MGST1: variants seen among roughly 807,000 people sequenced by gnomAD.
MGST1 encodes the protein glutathione S-transferase 12.
In MGST1, 5 loss-of-function variants were observed where a neutral mutation model predicts 8.9. The observed-to-expected ratio is 0.56, with a 90% CI of 0.29 to 1.19. The LOEUF (loss-of-function observed/expected upper bound fraction) is 1.19. Ranked by LOEUF, MGST1 falls within the 50% of genes most tolerant of loss-of-function variation. The pLI, the probability that MGST1 is intolerant of heterozygous loss-of-function variation, is 0.08. For missense variants in MGST1, 182 were observed against 187.4 expected (o/e 0.97, Z 0.17); for synonymous variants, 54 against 67.8 (o/e 0.80, Z 1.00).
intron 4 of MGST1, among the ~76,000 whole-genome samples, chr12:16,515,843 C>T (rs1017229447): frequency 1.3e-5 from 2 of 151,956 alleles, no homozygotes; most frequent in Admixed American, 1.3e-4. Flanking sequence ...TGCATTTGCT[C>T]ATCTCACATC....
At position 16,401,509 on chromosome 12, in the gene MGST1, A is replaced by G; in HGVS notation, n.778+17905A>G. ...CAGCAGCTCTTCTTGAAGCTGGAGT[A>G]AAAAGTTGTAATTTTCTTGAACTTC... is the stretch of plus-strand genomic sequence containing the variant. On this transcript the variant is annotated intron_variant and non_coding_transcript_variant, in intron 1 of 1. Coordinates refer to the MGST1 transcript ENST00000359720. This position sits in a 1 kb window ranked among gnomAD's most constrained non-coding sequence, Gnocchi z 4.3. The G allele has an allele frequency of 1.1e-6, 1 of 889,712 alleles. No individual in the cohort carries two copies. Among genetic ancestry groups the G allele is most frequent in the Admixed American group, 1.8e-5 (1 of 54,660 alleles). 55.1% of individuals were successfully genotyped at this position (889,712 alleles called of 1,614,324 possible).
At chr12:16,557,036 A>T (rs373998487) in intron 4 of MGST1, among the ~76,000 whole-genome samples, 2 of 152,230 alleles carry the variant, frequency 1.3e-5, no homozygotes, top group East Asian at 3.8e-4. Flanking sequence ...TACTTGACTG[A>T]GTTCTCCTGA....
chr12:16,405,190 A>G (rs1393902385), intron 1 of MGST1, among the ~76,000 whole-genome samples: 1 of 152,194 alleles, frequency 6.6e-6, no homozygotes, highest in Non-Finnish European at 1.5e-5. Context: ...AGCTGAACCA[A>G]AAGAGATTGT....
In MGST1 at chr12:16,511,837, G is replaced by C. The variant is rs150989732; in HGVS notation, n.483-77691G>C. On this transcript the variant is annotated intron_variant and non_coding_transcript_variant, in intron 4 of 4. Transcript: ENST00000538857. The stretch of plus-strand genomic sequence containing the variant: ...GCAAATAGGGTCACATTTGGAGACA[G>C]TTCGGTGATATATGCTAATATCCAC... Among the ~76,000 whole-genome samples, 777 of 152,250 alleles carry C rather than the reference G, an allele frequency of 5.1e-3. 8 individuals carry two copies. The highest frequency in any genetic ancestry group is 0.018 in the African/African-American group (731 of 41,542).
At chr12:16,390,003 C>A (rs562805303) in intron 1 of MGST1, among the ~76,000 whole-genome samples, 3 of 152,198 alleles carry the variant, frequency 2.0e-5, no homozygotes, top group Non-Finnish European at 4.4e-5. Flanking sequence ...AAATTTCACA[C>A]ACGAAGGCTC....
At chr12:16,570,927 G>C (rs1264855095) in intron 4 of MGST1, among the ~76,000 whole-genome samples, 1 of 152,036 alleles carries the variant, frequency 6.6e-6, no homozygotes, top group Non-Finnish European at 1.5e-5. Flanking sequence ...TGCTGTGTAG[G>C]AGAATAATGT....
In MGST1 at chr12:16,500,572, TA is replaced by T. The variant is rs1174397099; in HGVS notation, n.483-88952del. ...CCTTTGATGGTGGTGCTTACTCCCC[TA>T]AAACTCTACAGTTGTTACTTCAAAG... On this transcript the variant is annotated intron_variant and non_coding_transcript_variant, in intron 4 of 4. Coordinates refer to the MGST1 transcript ENST00000538857. This position sits in a 1 kb window ranked among gnomAD's most constrained non-coding sequence, Gnocchi z 4.3. Among the ~76,000 whole-genome samples the T allele has an allele frequency of 6.6e-6, 1 of 152,244 alleles. No individual in the cohort carries two copies. The highest frequency in any genetic ancestry group is 1.5e-5 in the Non-Finnish European group (1 of 68,036).
downstream of MGST1, among the ~76,000 whole-genome samples, chr12:16,379,237 G>C (rs1026180276): frequency 3.3e-5 from 5 of 152,130 alleles, no homozygotes; most frequent in African/African-American, 1.2e-4. Context: ...GTTTTCAAAG[G>C]GAATGCTTCC....
chr12:16,374,166 G>A lies in MGST1; in HGVS notation c.222-1956G>A, dbSNP rs538033587. On this transcript the variant is annotated intron_variant, in intron 3 of 3. Transcript: ENST00000535309. ...TTAATCACTTCATAGCCAATGCCAA[G>A]TAGTTTACATTAACAGGGAGCAGAA... Among the ~76,000 whole-genome samples the A allele has an allele frequency of 3.2e-4, 48 of 152,226 alleles. 2 individuals carry two copies. The highest frequency in any genetic ancestry group is 3.5e-4 in the Non-Finnish European group (24 of 67,994).
chr12:16,523,270 C>T (rs1215792312), intron 4 of MGST1, among the ~76,000 whole-genome samples: 2 of 152,038 alleles, frequency 1.3e-5, no homozygotes, highest in Non-Finnish European at 2.9e-5. Flanking sequence ...TAAATCTGAT[C>T]CTTGCTCTGC....
chr12:16,443,436 G>A (rs2137105425), downstream of MGST1, among the ~76,000 whole-genome samples: 1 of 151,172 alleles, frequency 6.6e-6, no homozygotes, highest in East Asian at 2.0e-4. Context: ...TTTTTTTCCT[G>A]CTCTGTTGTA....
At chr12:16,536,181 T>G (rs1199984750) in intron 4 of MGST1, among the ~76,000 whole-genome samples, 1 of 151,982 alleles carries the variant, frequency 6.6e-6, no homozygotes, top group Non-Finnish European at 1.5e-5. Flanking sequence ...CTGTTTCTCT[T>G]ATTAGGAAGT....
rs368939282 is a variant in MGST1 at position 16,417,724 on chromosome 12, G to A, written n.779-19664G>A. Among the ~76,000 whole-genome samples the A allele has an allele frequency of 1.7e-4, 26 of 152,188 alleles. No homozygotes were observed. The South Asian group carries it at 5.2e-3, about 30-fold the overall frequency. ...CCTCTAACTTATGGTAGGTTAATAA[G>A]GGCCTAGATATTTGGAGCTGTGAAA... On this transcript the variant is annotated intron_variant and non_coding_transcript_variant, in intron 1 of 1. Coordinates refer to the MGST1 transcript ENST00000359720.
In MGST1 at chr12:16,488,766, A is replaced by T. The variant is rs917549261; in HGVS notation, n.483-100762A>T. On this transcript the variant is annotated intron_variant and non_coding_transcript_variant, in intron 4 of 4. Transcript: ENST00000538857. ...ATCAGATACTACTGGCCATAATGTC[A>T]TGAGTGTGCATTTTTTTAATCACTA... Among the ~76,000 whole-genome samples, 7 of 152,234 alleles carry T rather than the reference A, an allele frequency of 4.6e-5. No individual in the cohort carries two copies. The East Asian group carries it at 1.4e-3, about 29-fold the overall frequency.
At chr12:16,409,744 G>T (rs1362621610) in intron 1 of MGST1, among the ~76,000 whole-genome samples, 2 of 152,052 alleles carry the variant, frequency 1.3e-5, no homozygotes, top group Non-Finnish European at 2.9e-5. Context: ...TGCCCAGAAA[G>T]CCTGTACCAC....
intron 1 of MGST1, chr12:16,402,437 T>C: frequency 1.2e-6 from 2 of 1,602,798 alleles, no homozygotes; most frequent in Admixed American, 1.7e-5. Flanking sequence ...GGACGCCGCT[T>C]CTCCTCGGGT....
chr12:16,380,317 G>A (rs1385536690), downstream of MGST1, among the ~76,000 whole-genome samples: 1 of 152,182 alleles, frequency 6.6e-6, no homozygotes, highest in Non-Finnish European at 1.5e-5. Flanking sequence ...CTTTGAATGT[G>A]TGCCAGAGAT....
chr12:16,385,838 T>TA (rs1267782615), intron 1 of MGST1, among the ~76,000 whole-genome samples: 3 of 152,124 alleles, frequency 2.0e-5, no homozygotes, highest in Non-Finnish European at 4.4e-5. Context: ...TTTTAATACA[T>TA]ACAGTTTCTT....
intron 4 of MGST1, among the ~76,000 whole-genome samples, chr12:16,472,433 GTTT>G (rs766108157): frequency 3.9e-5 from 5 of 129,750 alleles, no homozygotes; most frequent in African/African-American, 1.1e-4. Context: ...CCTTCCTTCT[GTTT>G]TTTTTTTTTT....
Sources: allele counts gnomAD v4.1 joint callset (sites outside exome capture counted in the v4.1 genomes callset), GRCh38; gene constraint gnomAD v4.1.1; non-coding constraint Gnocchi (gnomAD v3.1); transcripts MANE v1.5; gene names NCBI Gene and HGNC (gene_info 2026-07-23, HGNC 2026-07-21).